Variants in M1AP observed in about 807,000 individuals in gnomAD.
The protein encoded by M1AP is meiosis 1 associated protein, also known as meiosis 1 arrest protein.
M1AP carries 39 observed loss-of-function variants against 51.2 expected under a neutral mutation model. The ratio of observed to expected loss-of-function variants is 0.76; its 90% CI spans 0.59 to 1.00. M1AP has a LOEUF of 1.00. Ranked by LOEUF, M1AP falls within the 50% of genes least tolerant of loss-of-function variation. M1AP has a pLI of 0.00. For missense variants in M1AP, 545 were observed against 641.2 expected, an observed-to-expected ratio of 0.85 and a Z score of 1.62; for synonymous variants, 251 against 249.2, an observed-to-expected ratio of 1.01 and a Z score of -0.07.
chr2:74,598,616 A>T, intron 4 of M1AP, among the ~76,000 whole-genome samples: 1 of 142,902 alleles, frequency 7.0e-6, no homozygotes, highest in Non-Finnish European at 1.5e-5. Context: ...TATTCTGTAT[A>T]TCAACTTTTT....
chr2:74,617,642 T>C (rs1355765069), intron 2 of M1AP, among the ~76,000 whole-genome samples: 1 of 152,232 alleles, frequency 6.6e-6, no homozygotes, highest in Non-Finnish European at 1.5e-5. Flanking sequence ...AGTTTACTTA[T>C]GTACCTGCAC....
At chr2:74,613,270 C>A (rs1303422392) in intron 3 of M1AP, among the ~76,000 whole-genome samples, 1 of 152,154 alleles carries the variant, frequency 6.6e-6, no homozygotes, top group Non-Finnish European at 1.5e-5. Context: ...AGTGTCTCTG[C>A]CATGTCTAAT....
chr2:74,647,501 G>T, intron 1 of M1AP: 1 of 648,452 alleles, frequency 1.5e-6, no homozygotes, highest in Non-Finnish European at 1.9e-6. Flanking sequence ...AGAAGTTAAT[G>T]GATTTTGTAG....
intron 2 of M1AP, among the ~76,000 whole-genome samples, chr2:74,617,696 A>G (rs1681751871): frequency 1.3e-5 from 2 of 152,190 alleles, no homozygotes; most frequent in East Asian, 1.9e-4. Flanking sequence ...AATTCATACC[A>G]TTTGTTTTAA....
At chr2:74,580,718 T>C (rs1481846933) in intron 5 of M1AP, among the ~76,000 whole-genome samples, 4 of 152,216 alleles carry the variant, frequency 2.6e-5, no homozygotes, top group African/African-American at 9.7e-5. Flanking sequence ...CAGTGAGTCG[T>C]GTCAAAACTT....
chr2:74,619,493 C>G (rs1449337537), intron 2 of M1AP: 1 of 152,354 alleles, frequency 6.6e-6, no homozygotes, highest in Non-Finnish European at 1.5e-5. Flanking sequence ...GATCAGAGCT[C>G]CCTGGGGAAG....
intron 1 of M1AP, among the ~76,000 whole-genome samples, chr2:74,646,076 A>G (rs1293002446): frequency 6.6e-6 from 1 of 152,226 alleles, no homozygotes; most frequent in Non-Finnish European, 1.5e-5. Context: ...GCGTACTGAT[A>G]TAATATAGTG....
At position 74,558,847 on chromosome 2, in the gene M1AP, G is replaced by A. The variant is rs778175416; in HGVS notation, c.1462C>T (p.Arg488Ter). ...KTGQLQTNRARATVAPLPMTP... is the reference protein window; with the variant it reads ...KTGQLQTNRA ...ATAGGCAGGGGGGCCACAGTAGCTC[G>A]AGCTCGGTTGGTCTGCAACTGCCCA... The change falls in exon 11 of 11, where the codon CGA becomes TGA. Residue 488 changes from arginine (R) to a stop codon, truncating the protein, a stop_gained. Coordinates refer to ENST00000421985, the MANE Select transcript of M1AP (RefSeq NM_001321739.2). LOFTEE classifies it low-confidence loss of function (END_TRUNC). 9 of 1,600,748 alleles carry A rather than the reference G, an allele frequency of 5.6e-6. No individual in the cohort carries two copies. The highest frequency in any genetic ancestry group is 1.8e-5 in the Admixed American group (1 of 56,724).
intron 4 of M1AP, among the ~76,000 whole-genome samples, chr2:74,584,448 CAAAAAAAAA>C (rs772920948): frequency 1.4e-5 from 1 of 73,596 alleles, no homozygotes; most frequent in East Asian, 5.0e-4. Flanking sequence ...GTCTCAGTTG[CAAAAAAAAA>C]AAAAAAAAGA....
chr2:74,583,100 C>A (rs575163308), intron 4 of M1AP, among the ~76,000 whole-genome samples: 36 of 151,654 alleles, frequency 2.4e-4, no homozygotes, highest in Non-Finnish European at 4.9e-4. Flanking sequence ...CAAACAACCC[C>A]AAAACATTCT....
At chr2:74,624,916 CTTAAG>C (rs955840932) in intron 2 of M1AP, among the ~76,000 whole-genome samples, 6 of 152,046 alleles carry the variant, frequency 3.9e-5, no homozygotes, top group African/African-American at 1.4e-4. Context: ...TAATCTTGTA[CTTAAG>C]TTATTTTTGT....
chr2:74,560,384 GA>G lies in M1AP; in HGVS notation c.1282-94del, dbSNP rs1349714647. 1.0e-5 allele frequency: 14 copies of G among 1,348,184 alleles called. No homozygotes were observed. The East Asian group carries it at 3.1e-4, about 30-fold the overall frequency. The allele number at this position is 1,348,184 out of a possible 1,614,324, so 83.5% of individuals were successfully genotyped here. A position where few individuals can be genotyped will look rare whatever the true frequency, so the allele number is the denominator to read the frequency against. On this transcript the variant is annotated intron_variant, in intron 8 of 10. Transcript: ENST00000421985. ...GATCCAGGAGTGTGAGGGGCTGGAG[GA>G]AGTGTGAAACCCCAGGGCTGCCATG...
intron 2 of M1AP, among the ~76,000 whole-genome samples, chr2:74,630,305 T>A (rs1244500650): frequency 6.6e-6 from 1 of 152,210 alleles, no homozygotes; most frequent in Non-Finnish European, 1.5e-5. Flanking sequence ...CTATGCTAAA[T>A]ATCTTCAATG....
intron 2 of M1AP, among the ~76,000 whole-genome samples, chr2:74,631,933 C>G (rs1682730685): frequency 6.6e-6 from 1 of 152,132 alleles, no homozygotes; most frequent in Non-Finnish European, 1.5e-5. Flanking sequence ...TAAGCTGCTT[C>G]TGCAGATGGA....
Position 74,648,164 on chromosome 2 carries a change from C to T in M1AP, c.-53+101G>A, listed in dbSNP as rs1414951432. On this transcript the variant is annotated intron_variant, in intron 1 of 10. Coordinates refer to ENST00000421985, the MANE Select transcript of M1AP (RefSeq NM_001321739.2). ...CACGGCCAGCGCAACCAACACCTGC[C>T]TGAGGACTGGCCCGAGCTCGGCCCA... The T allele has an allele frequency of 1.4e-5, 13 of 959,810 alleles. No individual in the cohort carries two copies. The African/African-American group carries it at 1.9e-4, about 14-fold the overall frequency. The allele number at this position is 959,810 out of a possible 1,614,324, so 59.5% of individuals were successfully genotyped here. A position where few individuals can be genotyped will look rare whatever the true frequency, so the allele number is the denominator to read the frequency against.
intron 10 of M1AP, 79 bp from the exon 11 acceptor site, chr2:74,558,953 T>TC (rs1405835993): frequency 7.4e-7 from 1 of 1,359,312 alleles, no homozygotes; most frequent in African/African-American, 1.5e-5. Flanking sequence ...GGGCTTCCTG[T>TC]CCTAACTCTT....
At chr2:74,559,041 GT>G (rs1389057202) in intron 10 of M1AP, among the ~76,000 whole-genome samples, 167 bp from the exon 11 acceptor site, 1 of 152,236 alleles carries the variant, frequency 6.6e-6, no homozygotes, top group Non-Finnish European at 1.5e-5. Flanking sequence ...AGCCTCCACA[GT>G]GCCTGTCTCC....
rs929079981 is a variant in M1AP, at chr2:74,558,602, C to G, written c.*114G>C. Reference sequence around the variant, plus strand: ...GGAAGGCTGTTGTTTCCCAGTCAGCCCTCACTCACAGAGGCTCAGGCGGAT... The same window carrying G: ...GGAAGGCTGTTGTTTCCCAGTCAGCGCTCACTCACAGAGGCTCAGGCGGAT... On this transcript the variant is annotated 3_prime_UTR_variant, in exon 11 of 11. Coordinates refer to ENST00000421985, the MANE Select transcript of M1AP (RefSeq NM_001321739.2). 3.4e-5 allele frequency: 43 copies of G among 1,268,076 alleles called. No individual in the cohort carries two copies. Among genetic ancestry groups the G allele is most frequent in the Non-Finnish European group, 4.4e-5 (40 of 903,976 alleles). The allele number at this position is 1,268,076 out of a possible 1,614,324, so 78.6% of individuals were successfully genotyped here.
chr2:74,581,870 G>A (rs1376094106), intron 4 of M1AP, 23 bp from the exon 5 acceptor site: 1 of 1,592,220 alleles, frequency 6.3e-7, no homozygotes, highest in Admixed American at 1.8e-5. Flanking sequence ...GGGAAATAAA[G>A]TGTTCACTTA....
Sources: allele counts gnomAD v4.1 joint callset (sites outside exome capture counted in the v4.1 genomes callset), GRCh38; gene constraint gnomAD v4.1.1; transcripts MANE v1.5; gene names NCBI Gene and HGNC (gene_info 2026-07-23, HGNC 2026-07-21).